ABCG8: variants seen among roughly 807,000 people sequenced by gnomAD.
The protein encoded by ABCG8 is ATP-binding cassette sub-family G member 8.
ABCG8 carries 81 observed loss-of-function variants against 71.3 expected under a neutral mutation model. The ratio of observed to expected loss-of-function variants is 1.14; its 90% CI spans 0.95 to 1.37. The LOEUF is 1.37. Ranked by LOEUF, ABCG8 falls within the 40% of genes most tolerant of loss-of-function variation. The pLI is 0.00. For synonymous variants in ABCG8, 451 were observed against 354.7 expected (o/e 1.27, Z -3.05); for missense variants, 1,119 against 866.2 (o/e 1.29, Z -3.66).
chr2:43,877,834 TTGGCCTCAGCGG>T lies in ABCG8; in HGVS notation c.1948_1959del (p.Leu650_Gly653del). 1 of 1,614,186 alleles carries T rather than the reference TTGGCCTCAGCGG, an allele frequency of 6.2e-7. No homozygotes were observed. The highest frequency in any genetic ancestry group is 8.5e-7 in the Non-Finnish European group (1 of 1,180,034). On this transcript the variant is annotated inframe_deletion, in exon 13 of 13. Coordinates refer to ENST00000272286, the MANE Select transcript of ABCG8 (RefSeq NM_022437.3). ...CTCTACGCCATCTACCTCATCGTCA[TTGGCCTCAGCGG>T]TGGCTTCATGGTCCTGTACTACGTG...
chr2:43,857,457 CTA>C (rs1020565744), intron 6 of ABCG8, among the ~76,000 whole-genome samples: 1 of 151,568 alleles, frequency 6.6e-6, no homozygotes, highest in African/African-American at 2.4e-5. Flanking sequence ...AATCCTCACT[CTA>C]TATAGAACTC....
rs753377159 is a variant in ABCG8 at position 43,874,434 on chromosome 2, A to T, written c.1439A>T (p.Tyr480Phe). 1.9e-6 allele frequency: 3 copies of T among 1,613,772 alleles called. No individual in the cohort carries two copies. Among genetic ancestry groups the T allele is most frequent in the East Asian group, 4.5e-5 (2 of 44,862 alleles). ...TACTCAGAGAGGGCAATGCTTTACTATGAACTGGAAGACGGGCTGTACACC... is the reference window on the plus strand; with the variant it reads ...TACTCAGAGAGGGCAATGCTTTACTTTGAACTGGAAGACGGGCTGTACACC... ...KCYSERAMLY[Y>F]ELEDGLYTTG... Residue 480 changes from tyrosine to phenylalanine, a missense_variant, in exon 10 of 13, where the codon TAT becomes TTT. By Grantham distance (22) the Tyr-to-Phe change is conservative. Coordinates refer to ENST00000272286, the MANE Select transcript of ABCG8 (RefSeq NM_022437.3).
At chr2:43,862,939 C>G (rs982983235) in intron 6 of ABCG8, among the ~76,000 whole-genome samples, 19 of 151,510 alleles carry the variant, frequency 1.3e-4, no homozygotes, top group African/African-American at 4.3e-4. Context: ...TTCTCACTCT[C>G]TGGATAGAAC....
In ABCG8 at chr2:43,846,229, C is replaced by T; in HGVS notation, c.240C>T (p.Cys80=). 2 of 1,614,154 alleles carry T rather than the reference C, an allele frequency of 1.2e-6. No individual in the cohort carries two copies. The highest frequency in any genetic ancestry group is 1.7e-6 in the Non-Finnish European group (2 of 1,180,044). Residue 80 remains cysteine, a synonymous_variant, in exon 3 of 13, where the codon TGC becomes TGT. Coordinates refer to ENST00000272286, the MANE Select transcript of ABCG8 (RefSeq NM_022437.3). Reference sequence around the variant, plus strand: ...AGATGCCCTGGACATCTCCCAGCTGCCAGAATTCTTGTGAGCTGGGCATCC... The same window carrying T: ...AGATGCCCTGGACATCTCCCAGCTGTCAGAATTCTTGTGAGCTGGGCATCC... ...QFKMPWTSPS[C]QNSCELGIQN...
chr2:43,844,061 C>A (rs1346132842), intron 1 of ABCG8, among the ~76,000 whole-genome samples: 1 of 152,192 alleles, frequency 6.6e-6, no homozygotes, highest in East Asian at 1.9e-4. Flanking sequence ...TCACATGCTG[C>A]AAGTGTCATG....
intron 6 of ABCG8, among the ~76,000 whole-genome samples, chr2:43,862,149 TG>T (rs1669344408): frequency 6.6e-6 from 1 of 151,346 alleles, no homozygotes; most frequent in South Asian, 2.1e-4. Context: ...TCTCAGTATC[TG>T]GCTAGATTTC....
intron 6 of ABCG8, among the ~76,000 whole-genome samples, chr2:43,854,249 A>G (rs1669023914): frequency 6.6e-6 from 1 of 152,196 alleles, no homozygotes; most frequent in Admixed American, 6.5e-5. Context: ...TGATGTTTTG[A>G]GCTACAGTGC....
At chr2:43,867,193 T>C (rs1317482343) in intron 6 of ABCG8, among the ~76,000 whole-genome samples, 1 of 104,140 alleles carries the variant, frequency 9.6e-6, no homozygotes, top group Non-Finnish European at 1.8e-5. Flanking sequence ...CTGGGGACTG[T>C]TGTGGGGTGG....
chr2:43,858,753 G>A (rs1669200833), intron 6 of ABCG8, among the ~76,000 whole-genome samples: 1 of 150,372 alleles, frequency 6.7e-6, no homozygotes, highest in Non-Finnish European at 1.5e-5. Flanking sequence ...TATCTGGATA[G>A]AATTCTCACT....
In ABCG8 at chr2:43,881,526, T is replaced by G. The variant is rs1013171415; in HGVS notation, c.*3613T>G. Reference sequence around the variant, plus strand: ...GAGATCGAGACCATTCTGGCCAACATGGCAAAACCCTGCCTCTACTAAAAA... The same window carrying G: ...GAGATCGAGACCATTCTGGCCAACAGGGCAAAACCCTGCCTCTACTAAAAA... On this transcript the variant is annotated 3_prime_UTR_variant, in exon 13 of 13. Coordinates refer to ENST00000272286, the MANE Select transcript of ABCG8 (RefSeq NM_022437.3). 6.6e-6 allele frequency: 1 copy of G among 152,272 alleles called. No homozygotes were observed. Among genetic ancestry groups the G allele is most frequent in the Non-Finnish European group, 1.5e-5 (1 of 68,144 alleles). 9.4% of individuals were successfully genotyped at this position (152,272 alleles called of 1,614,324 possible). A position where few individuals can be genotyped will look rare whatever the true frequency, so the allele number is the denominator to read the frequency against.
intron 1 of ABCG8, among the ~76,000 whole-genome samples, chr2:43,842,348 A>G (rs1317261834): frequency 6.6e-6 from 1 of 152,184 alleles, no homozygotes; most frequent in Admixed American, 6.5e-5. Context: ...TTCAACAACA[A>G]CAACAAAAAT....
rs113087518 is a variant in ABCG8 at position 43,845,301 on chromosome 2, G to A, written c.165+693G>A. ...GGGTCTGGGATGGTGAACTTCAGAG[G>A]CCTGAGTCTGGCTTCCTGTGGGTGT... On this transcript the variant is annotated intron_variant, in intron 2 of 12. Coordinates refer to ENST00000272286, the MANE Select transcript of ABCG8 (RefSeq NM_022437.3). Among the ~76,000 whole-genome samples, 679 of 152,044 alleles carry A rather than the reference G, an allele frequency of 4.5e-3. 7 individuals carry two copies. Among genetic ancestry groups the A allele is most frequent in the African/African-American group, 0.015 (602 of 41,444 alleles).
chr2:43,871,930 G>T (rs758860195), intron 6 of ABCG8, 46 bp from the exon 7 acceptor site: 5 of 1,613,014 alleles, frequency 3.1e-6, no homozygotes, highest in African/African-American at 2.7e-5. Context: ...CTGTGAGCAG[G>T]TGCCAGGGAA....
At position 43,880,867 on chromosome 2, in the gene ABCG8, T is replaced by G. The variant is rs1250772747; in HGVS notation, c.*2954T>G. 1 of 152,074 alleles carries G rather than the reference T, an allele frequency of 6.6e-6. No homozygotes were observed. The highest frequency in any genetic ancestry group is 1.5e-5 in the Non-Finnish European group (1 of 67,970). 9.4% of individuals were successfully genotyped at this position (152,074 alleles called of 1,614,324 possible). A position where few individuals can be genotyped will look rare whatever the true frequency, so the allele number is the denominator to read the frequency against. On this transcript the variant is annotated 3_prime_UTR_variant, in exon 13 of 13. Transcript: ENST00000272286. ...CAGGTAAGTAATCTCCCATCTACAC[T>G]GCCACGCCTTCTCCTGTATGGACGT...
In ABCG8 at chr2:43,839,045, G is replaced by A; in HGVS notation, c.-9G>A. ...AGCTGCAGCCCAGGGTCACAGACCT[G>A]TGGGCCCCATGGCCGGGAAGGCGGC... is the stretch of plus-strand genomic sequence containing the variant. On this transcript the variant is annotated 5_prime_UTR_variant, in exon 1 of 13. In the 5' UTR this introduces an upstream ATG that the reference lacks. Coordinates refer to ENST00000272286, the MANE Select transcript of ABCG8 (RefSeq NM_022437.3). 1 of 1,550,842 alleles carries A rather than the reference G, an allele frequency of 6.4e-7. No homozygotes were observed. The highest frequency in any genetic ancestry group is 8.7e-7 in the Non-Finnish European group (1 of 1,146,686).
At chr2:43,839,487 C>T (rs1270018776) in intron 1 of ABCG8, among the ~76,000 whole-genome samples, 26 of 116,888 alleles carry the variant, frequency 2.2e-4, no homozygotes, top group Non-Finnish European at 4.1e-4. Flanking sequence ...AGTGCAGTGG[C>T]GTGATCTCGG....
At position 43,872,057 on chromosome 2, in the gene ABCG8, T is replaced by G. The variant is rs752742682; in HGVS notation, c.1046T>G (p.Phe349Cys). ...AAGGCTCAGTCACTCGCAGCCCTGT[T>G]TCTAGAAAAAGTGCGTGACTTAGAT... ...REKAQSLAALFLEKVRDLDDF... is the reference protein window; with the variant it reads ...REKAQSLAALCLEKVRDLDDF... Residue 349 changes from phenylalanine to cysteine, a missense_variant, in exon 7 of 13, where the codon TTT (phenylalanine) becomes TGT (cysteine). Phe to Cys is a radical substitution (Grantham distance 205). Coordinates refer to ENST00000272286, the MANE Select transcript of ABCG8 (RefSeq NM_022437.3). 6.2e-7 allele frequency: 1 copy of G among 1,614,080 alleles called. No individual in the cohort carries two copies. Among genetic ancestry groups the G allele is most frequent in the South Asian group, 1.1e-5 (1 of 91,080 alleles).
chr2:43,856,177 A>G (rs1385622020), intron 6 of ABCG8, among the ~76,000 whole-genome samples: 1 of 151,982 alleles, frequency 6.6e-6, no homozygotes, highest in African/African-American at 2.4e-5. Flanking sequence ...TAGAACTCTC[A>G]CTATCTATCT....
At chr2:43,872,420 T>C (rs992352462) in intron 8 of ABCG8, 114 bp downstream of exon 8, 3 of 1,288,098 alleles carry the variant, frequency 2.3e-6, no homozygotes, top group Non-Finnish European at 3.3e-6. Context: ...GGTAGAGTCA[T>C]TTGAAAAAAA....
Sources: allele counts gnomAD v4.1 joint callset (sites outside exome capture counted in the v4.1 genomes callset), GRCh38; gene constraint gnomAD v4.1.1; transcripts MANE v1.5; gene names NCBI Gene and HGNC (gene_info 2026-07-23, HGNC 2026-07-21).